The following CUX2 variants were observed in gnomAD, a reference collection of about 807,000 sequenced individuals.
CUX2 encodes homeobox protein cut-like 2.
Under a neutral mutation model 144.8 loss-of-function variants are expected in CUX2, and 40 were observed. The observed-to-expected ratio is 0.28, with a 90% CI of 0.21 to 0.36. CUX2 has a LOEUF of 0.36. Ranked by LOEUF, CUX2 falls within the 10% of genes least tolerant of loss-of-function variation. The probability of loss-of-function intolerance (pLI) is 1.00; values close to 1 mark genes in which losing one functional copy is unlikely to be tolerated. For synonymous variants in CUX2, 827 were observed against 875.6 expected, an observed-to-expected ratio of 0.94 and a Z score of 0.98; for missense variants, 1,615 against 1,994.0, an observed-to-expected ratio of 0.81 and a Z score of 3.62.
At chr12:111,286,709 C>T (rs550542052) in intron 4 of CUX2, among the ~76,000 whole-genome samples, 2 of 152,074 alleles carry the variant, frequency 1.3e-5, no homozygotes, top group Non-Finnish European at 2.9e-5. Context: ...CCCATCTCTA[C>T]TGAAGATACA....
chr12:111,300,120 C>T (rs368515851), intron 9 of CUX2, among the ~76,000 whole-genome samples: 4 of 152,242 alleles, frequency 2.6e-5, no homozygotes, highest in African/African-American at 7.2e-5. Flanking sequence ...TTTTAACCAG[C>T]GGCCTCTTTT....
At chr12:111,069,539 T>TGTGTGTGTGTGCGCGCGC (rs1871170490) in intron 1 of CUX2, among the ~76,000 whole-genome samples, 1 of 151,508 alleles carries the variant, frequency 6.6e-6, no homozygotes, top group African/African-American at 2.4e-5. Context: ...TGTGTGTGTG[T>TGTGTGTGTGTGCGCGCGC]GTGTGTGTGT....
chr12:111,055,454 A>G (rs79184971), intron 1 of CUX2, among the ~76,000 whole-genome samples: 6,026 of 152,330 alleles, frequency 0.04, 409 homozygotes, highest in African/African-American at 0.14. Context: ...CAGCCTCTGC[A>G]AGCAAGGGGG....
chr12:111,186,722 G>T lies in CUX2; in HGVS notation c.64-27478G>T, dbSNP rs993384814. 2.0e-5 allele frequency among the ~76,000 whole-genome samples: 3 copies of T among 151,966 alleles called. No individual in the cohort carries two copies. The highest frequency in any genetic ancestry group is 6.5e-5 in the Admixed American group (1 of 15,278). ...TCTGCGAAGTGGAGATGGTGATGGT[G>T]CATACCTGAGAGGGTCGCTGAGACA... On this transcript the variant is annotated intron_variant, in intron 1 of 21. Transcript: ENST00000261726. This position sits in a 1 kb window ranked among gnomAD's most constrained non-coding sequence, Gnocchi z 4.4.
rs1883275852 is a variant in CUX2, at chr12:111,246,259, G to A, written c.223-17502G>A. ...CACTGATTGCATGAAATCTGCCATG[G>A]TGGGAGTATTTACACCACAGCCATT... is the stretch of plus-strand genomic sequence containing the variant. On this transcript the variant is annotated intron_variant, in intron 3 of 21. Transcript: ENST00000261726. The surrounding 1 kb of genome is among the most constrained non-coding windows in gnomAD (Gnocchi z 4.0). 6.6e-6 allele frequency among the ~76,000 whole-genome samples: 1 copy of A among 152,180 alleles called. No homozygotes were observed. The highest frequency in any genetic ancestry group is 6.5e-5 in the Admixed American group (1 of 15,286).
At chr12:111,318,703 A>C (rs1267242356) in intron 16 of CUX2, among the ~76,000 whole-genome samples, 1 of 150,580 alleles carries the variant, frequency 6.6e-6, no homozygotes, top group Non-Finnish European at 1.5e-5. Context: ...TTTTCTAGAG[A>C]TGGATGTCTC....
chr12:111,260,049 GCTA>G (rs1049819193), intron 3 of CUX2, among the ~76,000 whole-genome samples: 2 of 151,810 alleles, frequency 1.3e-5, no homozygotes, highest in Admixed American at 6.6e-5. Context: ...TGTAATCCCA[GCTA>G]CTCAGGAGGC....
intron 18 of CUX2, among the ~76,000 whole-genome samples, chr12:111,324,406 G>A (rs920919828): frequency 2.0e-5 from 3 of 151,962 alleles, no homozygotes; most frequent in Non-Finnish European, 2.9e-5. Flanking sequence ...CCCCAGCTGG[G>A]GAGGGAGGTT....
At chr12:111,137,834 T>C (rs1876012616) in intron 1 of CUX2, among the ~76,000 whole-genome samples, 1 of 152,094 alleles carries the variant, frequency 6.6e-6, no homozygotes, top group African/African-American at 2.4e-5. Flanking sequence ...AGAATTTGCT[T>C]AGGGGTGAGC....
chr12:111,153,350 G>C (rs1310301296), intron 1 of CUX2, among the ~76,000 whole-genome samples: 1 of 152,158 alleles, frequency 6.6e-6, no homozygotes, highest in Non-Finnish European at 1.5e-5. Flanking sequence ...TTGACAACCG[G>C]GATACATTCT....
chr12:111,176,778 C>T (rs1292852788), intron 1 of CUX2, among the ~76,000 whole-genome samples: 1 of 152,202 alleles, frequency 6.6e-6, no homozygotes, highest in Non-Finnish European at 1.5e-5. Context: ...CATGTGACTT[C>T]CTTGGCCCAC....
chr12:111,262,773 G>T (rs1396251151), intron 3 of CUX2, among the ~76,000 whole-genome samples: 1 of 152,158 alleles, frequency 6.6e-6, no homozygotes, highest in Non-Finnish European at 1.5e-5. Context: ...TGTTAAAGTT[G>T]TTTGATATCT....
chr12:111,278,767 G>GTGTT (rs1884995356), intron 4 of CUX2, among the ~76,000 whole-genome samples: 2 of 152,252 alleles, frequency 1.3e-5, no homozygotes, highest in South Asian at 4.1e-4. Context: ...CTTTCAATTT[G>GTGTT]TGTTTGTAAG....
intron 1 of CUX2, among the ~76,000 whole-genome samples, chr12:111,090,114 G>A (rs1872472231): frequency 6.6e-6 from 1 of 152,210 alleles, no homozygotes; most frequent in African/African-American, 2.4e-5. Flanking sequence ...CCCCGGTCCT[G>A]GAGCAGAGTT....
chr12:111,348,377 C>A lies in CUX2; in HGVS notation c.*52C>A. On this transcript the variant is annotated 3_prime_UTR_variant, in exon 22 of 22. Coordinates refer to ENST00000261726, the MANE Select transcript of CUX2 (RefSeq NM_015267.4). Reference sequence around the variant, plus strand: ...ACCCTGGTAACTACCTTCCTTCTCGCACTTACTCTCCTCAACAGGATGGGG... The same window carrying A: ...ACCCTGGTAACTACCTTCCTTCTCGAACTTACTCTCCTCAACAGGATGGGG... The A allele has an allele frequency of 6.7e-7, 1 of 1,502,770 alleles. No homozygotes were observed. The highest frequency in any genetic ancestry group is 9.1e-7 in the Non-Finnish European group (1 of 1,099,680). The allele number at this position is 1,502,770 out of a possible 1,614,324, so 93.1% of individuals were successfully genotyped here. A position where few individuals can be genotyped will look rare whatever the true frequency, so the allele number is the denominator to read the frequency against.
chr12:111,242,843 T>C (rs966707213), intron 3 of CUX2, among the ~76,000 whole-genome samples: 1 of 152,156 alleles, frequency 6.6e-6, no homozygotes, highest in African/African-American at 2.4e-5. Context: ...CCTAATGCTA[T>C]CCTTCCCCTA....
At chr12:111,217,435 C>T (rs896660716) in intron 2 of CUX2, among the ~76,000 whole-genome samples, 7 of 152,078 alleles carry the variant, frequency 4.6e-5, no homozygotes, top group East Asian at 1.9e-4. Flanking sequence ...CAGCCCCGGG[C>T]GACACCTTGA....
chr12:111,075,419 G>A (rs1381877820), intron 1 of CUX2, among the ~76,000 whole-genome samples: 1 of 152,032 alleles, frequency 6.6e-6, no homozygotes, highest in Non-Finnish European at 1.5e-5. Context: ...ACAGGGAGTT[G>A]GCCTCTCTCT....
At chr12:111,297,063 GGCCTCCTCTCTCTGACCCTCCAGTACTT>G in intron 8 of CUX2, among the ~76,000 whole-genome samples, 1 of 120,156 alleles carries the variant, frequency 8.3e-6, no homozygotes, top group Non-Finnish European at 1.8e-5. Context: ...CTTCCAGACA[GGCCTCCTCTCTCTGACCCTCCAGTACTT>G]GCCTCCTCCC....
Sources: allele counts gnomAD v4.1 joint callset (sites outside exome capture counted in the v4.1 genomes callset), GRCh38; gene constraint gnomAD v4.1.1; non-coding constraint Gnocchi (gnomAD v3.1); transcripts MANE v1.5; gene names NCBI Gene and HGNC (gene_info 2026-07-23, HGNC 2026-07-21).